NCBP1: variants seen among roughly 807,000 people sequenced by gnomAD.
NCBP1 encodes the protein nuclear cap binding protein subunit 1, also known as nuclear cap-binding protein subunit 1.
Under a neutral mutation model 111.7 loss-of-function variants are expected in NCBP1, and 16 were observed. The observed-to-expected ratio is 0.14, with a 90% CI of 0.10 to 0.22. The LOEUF is 0.22. Among genes scored for constraint, NCBP1 ranks in the 10% least tolerant of loss-of-function variants. The pLI is 1.00. For missense variants in NCBP1, 607 were observed against 957.5 expected, an observed-to-expected ratio of 0.63 and a Z score of 4.83; for synonymous variants, 304 against 314.3, an observed-to-expected ratio of 0.97 and a Z score of 0.35.
At chr9:97,651,205 A>G in intron 9 of NCBP1, 105 bp from the exon 10 acceptor site, 1 of 808,904 alleles carries the variant, frequency 1.2e-6, no homozygotes, top group Non-Finnish European at 1.8e-6. Flanking sequence ...CATTTCAAAA[A>G]AGATTTTTCT....
intron 17 of NCBP1, among the ~76,000 whole-genome samples, chr9:97,662,680 A>G (rs557551172): frequency 6.6e-6 from 1 of 152,294 alleles, no homozygotes; most frequent in South Asian, 2.1e-4. Context: ...ATATTTCACC[A>G]TGTTTGAAGA....
At chr9:97,667,238 A>G (rs375984292) in intron 20 of NCBP1, among the ~76,000 whole-genome samples, 178 of 152,264 alleles carry the variant, frequency 1.2e-3, no homozygotes, top group Middle Eastern at 3.4e-3. Context: ...GATACTTAAC[A>G]CTTTCCCCGT....
chr9:97,655,786 C>A (rs1827634480), intron 13 of NCBP1, 22 bp downstream of exon 13: 10 of 1,592,266 alleles, frequency 6.3e-6, no homozygotes, highest in Non-Finnish European at 7.7e-6. Context: ...TTTGTTTTAT[C>A]TTTTTCTGTA....
At chr9:97,652,377 C>G (rs2773352) in intron 10 of NCBP1, among the ~76,000 whole-genome samples, 151,850 of 152,374 alleles carry the variant, frequency 1, 75,664 homozygotes, top group East Asian at 1. Flanking sequence ...CAGCAATTTG[C>G]GGGGCTCAGG....
intron 17 of NCBP1, 67 bp from the exon 18 acceptor site, chr9:97,662,887 C>A: frequency 8.3e-7 from 1 of 1,202,058 alleles, no homozygotes; most frequent in Non-Finnish European, 1.2e-6. Context: ...ATTGAAAAGG[C>A]TTTGAAAACA....
intron 8 of NCBP1, among the ~76,000 whole-genome samples, chr9:97,649,330 T>C (rs1326133573): frequency 6.6e-6 from 1 of 152,192 alleles, no homozygotes; most frequent in Non-Finnish European, 1.5e-5. Flanking sequence ...CCCTGATCTC[T>C]ACCCTCTAAA....
At chr9:97,636,966 G>C (rs1452752995) in intron 1 of NCBP1, among the ~76,000 whole-genome samples, 1 of 152,080 alleles carries the variant, frequency 6.6e-6, no homozygotes, top group East Asian at 1.9e-4. Context: ...CCATATAGCT[G>C]TATGGGGAAA....
chr9:97,656,569 AAG>A (rs1182461283), intron 14 of NCBP1, among the ~76,000 whole-genome samples: 1 of 152,200 alleles, frequency 6.6e-6, no homozygotes, highest in African/African-American at 2.4e-5. Context: ...TAAAATAAAA[AAG>A]GTGTTATATA....
chr9:97,657,929 T>A (rs1289124253), intron 14 of NCBP1, among the ~76,000 whole-genome samples: 1,516 of 99,564 alleles, frequency 0.015, 15 homozygotes, highest in African/African-American at 0.058. Flanking sequence ...TATATATATT[T>A]TTTTTTTTTT....
intron 6 of NCBP1, among the ~76,000 whole-genome samples, chr9:97,646,797 G>A (rs1045667234): frequency 2.4e-4 from 32 of 133,842 alleles, no homozygotes; most frequent in African/African-American, 8.8e-4. Flanking sequence ...ACATGGTGCC[G>A]CCACTGCACT....
intron 6 of NCBP1, among the ~76,000 whole-genome samples, chr9:97,646,170 T>C (rs1211410059): frequency 6.6e-6 from 1 of 152,222 alleles, no homozygotes; most frequent in Admixed American, 6.5e-5. Context: ...ACATACAGTA[T>C]ATTTAGTTCA....
At position 97,668,896 on chromosome 9, in the gene NCBP1, G is replaced by C. The variant is rs746497048; in HGVS notation, c.2067G>C (p.Glu689Asp). 2 of 1,613,498 alleles carry C rather than the reference G, an allele frequency of 1.2e-6. No individual in the cohort carries two copies. Among genetic ancestry groups the C allele is most frequent in the African/African-American group, 2.7e-5 (2 of 74,976 alleles). The change falls in exon 21 of 23, where the codon GAG (glutamate) becomes GAC (aspartate). Residue 689 changes from glutamate (E) to aspartate (D), a missense_variant. By Grantham distance (45) the Glu-to-Asp change is conservative. This residue lies in a region of NCBP1 where 282 missense variants were observed against 376.5 expected (regional missense o/e 0.75). Transcript: ENST00000375147. ...GTGACAGGAAAGACGGGGTTCTTGAGGAACAAATAGAACGACTTCAGGAAA... is the reference window on the plus strand; with the variant it reads ...GTGACAGGAAAGACGGGGTTCTTGACGAACAAATAGAACGACTTCAGGAAA... ...RSSDRKDGVL[E>D]EQIERLQEKV... is the part of the protein sequence containing the mutation.
At chr9:97,645,575 G>A in intron 5 of NCBP1, 36 bp from the exon 6 acceptor site, 1 of 1,580,064 alleles carries the variant, frequency 6.3e-7, no homozygotes, top group Non-Finnish European at 8.7e-7. Context: ...TATAATTAAA[G>A]CATATTTTAA....
At chr9:97,665,735 A>T (rs1424000225) in intron 19 of NCBP1, among the ~76,000 whole-genome samples, 2 of 152,208 alleles carry the variant, frequency 1.3e-5, no homozygotes, top group African/African-American at 4.8e-5. Flanking sequence ...AACAGGGGTT[A>T]GAGACACCGA....
intron 20 of NCBP1, among the ~76,000 whole-genome samples, chr9:97,668,465 G>T (rs984201862): frequency 1.3e-5 from 2 of 152,132 alleles, no homozygotes; most frequent in South Asian, 4.1e-4. Context: ...AGCAGCCTTG[G>T]CCCATAGGAC....
Position 97,659,306 on chromosome 9 carries a change from A to G in NCBP1, c.1477+563A>G, listed in dbSNP as rs1334691579. Among the ~76,000 whole-genome samples the G allele has an allele frequency of 6.6e-5, 10 of 152,172 alleles. No individual in the cohort carries two copies. The South Asian group carries it at 1.7e-3, about 25-fold the overall frequency. The stretch of plus-strand genomic sequence containing the variant: ...TAGAGTTAGGTGTGGAGTTTTTCCA[A>G]CTTGTTCTTTGCAGATTACACTTAA... On this transcript the variant is annotated intron_variant, in intron 15 of 22. Coordinates refer to ENST00000375147, the MANE Select transcript of NCBP1 (RefSeq NM_002486.5).
chr9:97,643,058 C>A, intron 3 of NCBP1, 146 bp from the exon 4 acceptor site: 1 of 713,744 alleles, frequency 1.4e-6, no homozygotes, highest in East Asian at 3.2e-5. Flanking sequence ...TTCTCAATGA[C>A]ATGCTTTTTC....
intron 19 of NCBP1, among the ~76,000 whole-genome samples, chr9:97,665,109 G>A (rs1308676162): frequency 6.6e-6 from 1 of 152,184 alleles, no homozygotes; most frequent in Non-Finnish European, 1.5e-5. Context: ...AAACATAAAA[G>A]TCCATCACAA....
At chr9:97,637,103 T>C (rs935805036) in intron 1 of NCBP1, among the ~76,000 whole-genome samples, 8 of 152,148 alleles carry the variant, frequency 5.3e-5, no homozygotes, top group African/African-American at 1.9e-4. Context: ...TTGTAGGAGA[T>C]AAGATTAGAG....
Sources: allele counts gnomAD v4.1 joint callset (sites outside exome capture counted in the v4.1 genomes callset), GRCh38; gene constraint gnomAD v4.1.1; regional missense constraint gnomAD v4.1.1; transcripts MANE v1.5; gene names NCBI Gene and HGNC (gene_info 2026-07-23, HGNC 2026-07-21).